CIMIP3: variants seen among roughly 807,000 people sequenced by gnomAD.
The protein encoded by CIMIP3 is ciliary microtubule inner protein 3.
chr6:42,158,897 G>C, the CIMIP3 span, among the ~76,000 whole-genome samples: 1 of 152,210 alleles, frequency 6.6e-6, no homozygotes, highest in Non-Finnish European at 1.5e-5. Context: ...AGATGGCCAA[G>C]AGGCTGATGC....
At chr6:42,157,940 C>T in the CIMIP3 span, among the ~76,000 whole-genome samples, 5 of 152,128 alleles carry the variant, frequency 3.3e-5, no homozygotes, top group African/African-American at 7.2e-5. Context: ...TTCTTTGTTG[C>T]GGGGGCTGTC....
chr6:42,158,143 C>T, the CIMIP3 span, among the ~76,000 whole-genome samples: 206 of 152,276 alleles, frequency 1.4e-3, 1 homozygote, highest in African/African-American at 4.3e-3. Flanking sequence ...GCACACTTGA[C>T]GAGGAGCATG....
the CIMIP3 span, among the ~76,000 whole-genome samples, chr6:42,156,602 C>T: frequency 6.6e-6 from 1 of 152,206 alleles, no homozygotes; most frequent in African/African-American, 2.4e-5. Context: ...TAGGTTCAGA[C>T]AGGTATGTGT....
chr6:42,156,334 A>G, the CIMIP3 span, among the ~76,000 whole-genome samples: 9 of 150,372 alleles, frequency 6.0e-5, no homozygotes, highest in African/African-American at 2.2e-4. Flanking sequence ...CTTTTTTATA[A>G]AATAGAGATG....
chr6:42,156,525 C>T, the CIMIP3 span, among the ~76,000 whole-genome samples: 2 of 152,058 alleles, frequency 1.3e-5, no homozygotes, highest in African/African-American at 2.4e-5. Context: ...CTGAGGCCTA[C>T]CCCCGGCTTC....
chr6:42,155,649 C>T, the CIMIP3 span: 3 of 716,908 alleles, frequency 4.2e-6, no homozygotes, highest in African/African-American at 5.2e-5. Context: ...TGCTGCCTGC[C>T]TTGTACTCCC....
chr6:42,162,123 G>A, the CIMIP3 span, among the ~76,000 whole-genome samples: 1 of 102,996 alleles, frequency 9.7e-6, no homozygotes, highest in African/African-American at 3.7e-5. Flanking sequence ...TTTTTTTTGA[G>A]ACACAGTAGG....
At chr6:42,160,546 C>T in the CIMIP3 span, among the ~76,000 whole-genome samples, 188 of 152,306 alleles carry the variant, frequency 1.2e-3, 1 homozygote, top group African/African-American at 4.3e-3. Flanking sequence ...TAAGATGAGA[C>T]GAGACTGCAG....
chr6:42,161,051 G>T, the CIMIP3 span, among the ~76,000 whole-genome samples: 1 of 152,124 alleles, frequency 6.6e-6, no homozygotes, highest in Admixed American at 6.5e-5. Context: ...AGCCTGGTGT[G>T]GTGGCGCATG....
chr6:42,161,286 C>T, the CIMIP3 span, among the ~76,000 whole-genome samples: 1 of 152,196 alleles, frequency 6.6e-6, no homozygotes, highest in Non-Finnish European at 1.5e-5. Context: ...CTTCCACTAA[C>T]CCTGTACCTA....
At chr6:42,162,977 G>A in the CIMIP3 span, 2 of 710,936 alleles carry the variant, frequency 2.8e-6, no homozygotes, top group African/African-American at 1.7e-5. Context: ...ATGCAAGGGG[G>A]TGAAGGCTCC....
At chr6:42,162,994 G>A in the CIMIP3 span, 68 of 715,268 alleles carry the variant, frequency 9.5e-5, 1 homozygote, top group South Asian at 3.4e-4. Context: ...CTCCACACTC[G>A]TCCCGGCCCC....
chr6:42,156,276 G>A, the CIMIP3 span, among the ~76,000 whole-genome samples: 24 of 151,156 alleles, frequency 1.6e-4, no homozygotes, highest in Non-Finnish European at 3.1e-4. Flanking sequence ...GATTACAGGC[G>A]TGAGCCACTG....
chr6:42,163,053 CG>C, the CIMIP3 span: 1 of 717,604 alleles, frequency 1.4e-6, no homozygotes. Flanking sequence ...GCCTATGTGC[CG>C]GTCGTTGTGG....
At chr6:42,160,699 G>T in the CIMIP3 span, among the ~76,000 whole-genome samples, 2 of 152,228 alleles carry the variant, frequency 1.3e-5, no homozygotes, top group East Asian at 3.8e-4. Context: ...TGGGACAGGG[G>T]CTGCAGGAGT....
chr6:42,158,887 A>C, the CIMIP3 span, among the ~76,000 whole-genome samples: 1 of 152,174 alleles, frequency 6.6e-6, no homozygotes, highest in Non-Finnish European at 1.5e-5. Flanking sequence ...CATGAGCCCA[A>C]GATGGCCAAG....
the CIMIP3 span, among the ~76,000 whole-genome samples, chr6:42,159,710 A>C: frequency 6.6e-6 from 1 of 152,346 alleles, no homozygotes; most frequent in Admixed American, 6.5e-5. Flanking sequence ...ACAGAAAGAA[A>C]TAGAAGATCC....
the CIMIP3 span, among the ~76,000 whole-genome samples, chr6:42,158,941 G>GA: frequency 2.0e-5 from 3 of 152,212 alleles, no homozygotes; most frequent in Admixed American, 2.0e-4. Flanking sequence ...GGGGAGCAGG[G>GA]ATGGGGGGTG....
chr6:42,155,894 A>G, the CIMIP3 span, among the ~76,000 whole-genome samples: 1 of 152,228 alleles, frequency 6.6e-6, no homozygotes. Flanking sequence ...CATGAACCCT[A>G]TGAGGTAGAG....
Sources: gnomAD v4.1 joint callset for allele counts (sites outside exome capture counted in the v4.1 genomes callset) on GRCh38, gnomAD v4.1.1 for gene constraint, MANE v1.5 for transcripts, NCBI Gene and HGNC (gene_info 2026-07-23, HGNC 2026-07-21) for gene names.